SLC27A2: variants seen among roughly 807,000 people sequenced by gnomAD.
SLC27A2 encodes the protein long-chain fatty acid transport protein 2.
SLC27A2 carries 54 observed loss-of-function variants against 60.0 expected under a neutral mutation model. The observed-to-expected ratio is 0.90, with a 90% CI of 0.72 to 1.13. The LOEUF (loss-of-function observed/expected upper bound fraction) is 1.13, where lower values mean the gene tolerates loss of function less well. SLC27A2 is among the 50% of genes most tolerant of loss of function. The pLI is 0.00. For synonymous variants in SLC27A2, 297 were observed against 297.6 expected, an observed-to-expected ratio of 1.00 and a Z score of 0.02; for missense variants, 739 against 777.6, an observed-to-expected ratio of 0.95 and a Z score of 0.59.
chr15:50,229,108 G>A (rs1206464855), intron 8 of SLC27A2, 66 bp downstream of exon 8: 22 of 1,082,428 alleles, frequency 2.0e-5, no homozygotes, highest in African/African-American at 6.3e-5. Flanking sequence ...GCCTCAAGGC[G>A]AAGTTTGTCA....
intron 4 of SLC27A2, among the ~76,000 whole-genome samples, chr15:50,212,575 T>C (rs929232163): frequency 2.6e-5 from 4 of 152,184 alleles, no homozygotes; most frequent in Non-Finnish European, 5.9e-5. Context: ...GAAAACCTAT[T>C]AGATTAACAG....
Position 50,182,745 on chromosome 15 carries a change from C to A in SLC27A2, c.318C>A (p.Cys106Ter). 1.2e-6 allele frequency: 2 copies of A among 1,613,880 alleles called. No individual in the cohort carries two copies. Among genetic ancestry groups the A allele is most frequent in the Non-Finnish European group, 1.7e-6 (2 of 1,179,958 alleles). ...HDHLGLRQGD[C>*]VALLMGNEPA... ...ACCTCGGCCTGCGCCAGGGAGACTG[C>A]GTGGCGCTCCTTATGGGTAACGAGC... Residue 106 changes from cysteine to a stop codon, truncating the protein, a stop_gained, in exon 1 of 10, where the codon TGC (cysteine) becomes TGA (stop). Coordinates refer to ENST00000267842, the MANE Select transcript of SLC27A2 (RefSeq NM_003645.4). LOFTEE classifies it high-confidence loss of function.
Position 50,197,453 on chromosome 15 carries a change from T to C in SLC27A2, c.479-47T>C, listed in dbSNP as rs1447234015. The C allele has an allele frequency of 3.4e-6, 5 of 1,466,160 alleles. No individual in the cohort carries two copies. The Admixed American group carries it at 6.8e-5, about 20-fold the overall frequency. 90.8% of individuals were successfully genotyped at this position (1,466,160 alleles called of 1,614,324 possible). The stretch of plus-strand genomic sequence containing the variant: ...GCTTGTTGAAGCACTAATAGAACTT[T>C]AATAGACTGATTTAGTTTGTTTTGA... On this transcript the variant is annotated intron_variant, in intron 1 of 9. Transcript: ENST00000267842.
At chr15:50,233,339 A>T (rs1214897712) in intron 8 of SLC27A2, among the ~76,000 whole-genome samples, 1 of 152,204 alleles carries the variant, frequency 6.6e-6, no homozygotes, top group African/African-American at 2.4e-5. Flanking sequence ...TAAGTCATGC[A>T]TGGAGGTGGA....
intron 1 of SLC27A2, among the ~76,000 whole-genome samples, chr15:50,185,002 T>C (rs1366121544): frequency 1.3e-5 from 2 of 152,226 alleles, no homozygotes; most frequent in Admixed American, 1.3e-4. Context: ...ACCAGCTTGC[T>C]TGGAGGGAAA....
chr15:50,204,303 T>TA (rs1221039429), intron 3 of SLC27A2, among the ~76,000 whole-genome samples: 3 of 151,542 alleles, frequency 2.0e-5, no homozygotes, highest in African/African-American at 4.9e-5. Context: ...CATCCCTTCT[T>TA]AAAAAATACA....
intron 5 of SLC27A2, among the ~76,000 whole-genome samples, chr15:50,224,449 A>G (rs754101193): frequency 2.0e-5 from 3 of 152,196 alleles, no homozygotes; most frequent in Non-Finnish European, 4.4e-5. Context: ...CAAAAAAAAG[A>G]AAGGATTAAA....
intron 1 of SLC27A2, among the ~76,000 whole-genome samples, chr15:50,186,730 A>G (rs1343190035): frequency 6.6e-6 from 1 of 152,224 alleles, no homozygotes; most frequent in Admixed American, 6.5e-5. Flanking sequence ...AGCCACTGCT[A>G]CTGGCCTTCT....
At chr15:50,214,269 C>G (rs1277972662) in intron 4 of SLC27A2, among the ~76,000 whole-genome samples, 3 of 151,486 alleles carry the variant, frequency 2.0e-5, no homozygotes, top group Non-Finnish European at 3.0e-5. Context: ...CAGATTAAAT[C>G]AGAATTAGAT....
chr15:50,207,689 C>A (rs2140904786), intron 4 of SLC27A2, among the ~76,000 whole-genome samples: 1 of 151,128 alleles, frequency 6.6e-6, no homozygotes, highest in Admixed American at 6.6e-5. Flanking sequence ...ACTCAGGAGG[C>A]TGAAGCAGGA....
intron 1 of SLC27A2, 68 bp from the exon 2 acceptor site, chr15:50,197,432 G>A (rs1251723456): frequency 2.5e-6 from 3 of 1,199,172 alleles, no homozygotes; most frequent in Non-Finnish European, 3.6e-6. Context: ...TATGATGCTT[G>A]TTGAAGCACT....
chr15:50,202,316 C>A (rs1797317), intron 2 of SLC27A2, among the ~76,000 whole-genome samples, 171 bp from the exon 3 acceptor site: 86,468 of 152,120 alleles, frequency 0.57, 25,487 homozygotes, highest in East Asian at 0.8. Context: ...AACATTTACT[C>A]CCTGGTCCTT....
At chr15:50,231,496 T>A (rs1339873624) in intron 8 of SLC27A2, among the ~76,000 whole-genome samples, 2 of 152,172 alleles carry the variant, frequency 1.3e-5, no homozygotes, top group Admixed American at 6.5e-5. Context: ...TTTTATGTTA[T>A]GTGTTTATCA....
chr15:50,211,610 C>T (rs754158134), intron 4 of SLC27A2, among the ~76,000 whole-genome samples: 6 of 152,198 alleles, frequency 3.9e-5, no homozygotes, highest in South Asian at 2.1e-4. Context: ...TCACCAGCAA[C>T]GAATCCAAAC....
chr15:50,224,594 A>G (rs1322961877), intron 5 of SLC27A2, among the ~76,000 whole-genome samples: 1 of 152,202 alleles, frequency 6.6e-6, no homozygotes, highest in Non-Finnish European at 1.5e-5. Context: ...TCCCAAGTTC[A>G]AGGACCCTCT....
At chr15:50,214,716 CATGATAATCTCA>C (rs2045182521) in intron 4 of SLC27A2, among the ~76,000 whole-genome samples, 1 of 152,068 alleles carries the variant, frequency 6.6e-6, no homozygotes, top group Non-Finnish European at 1.5e-5. Context: ...TAAAAAATCA[CATGATAATCTCA>C]ATAGGTGCAG....
rs751269575 is a variant in SLC27A2, at chr15:50,235,954, G to A, written c.1721G>A (p.Arg574His). 14 of 1,613,186 alleles carry A rather than the reference G, an allele frequency of 8.7e-6. No individual in the cohort carries two copies. Among genetic ancestry groups the A allele is most frequent in the South Asian group, 4.4e-5 (4 of 90,944 alleles). Residue 574 changes from arginine to histidine, a missense_variant, in exon 10 of 10, where the codon CGC becomes CAC. Arg to His is a conservative substitution (Grantham distance 29). Transcript: ENST00000267842. ...TIEITGTFKH[R>H]KMTLVEEGFN... is the part of the protein sequence containing the mutation. ...GAGATCACTGGAACTTTTAAACACC[G>A]CAAAATGACCCTGGTGGAGGAGGGC...
intron 4 of SLC27A2, among the ~76,000 whole-genome samples, chr15:50,216,256 G>A (rs191536235): frequency 2.2e-4 from 34 of 152,056 alleles, no homozygotes; most frequent in African/African-American, 7.5e-4. Flanking sequence ...ACTACAATGC[G>A]ATACCACCTT....
At chr15:50,185,152 A>G (rs1394795681) in intron 1 of SLC27A2, among the ~76,000 whole-genome samples, 1 of 152,202 alleles carries the variant, frequency 6.6e-6, no homozygotes, top group Admixed American at 6.5e-5. Context: ...AATGACCATA[A>G]TACAGTTTGA....
Sources: allele counts gnomAD v4.1 joint callset (sites outside exome capture counted in the v4.1 genomes callset), GRCh38; gene constraint gnomAD v4.1.1; transcripts MANE v1.5; gene names NCBI Gene and HGNC (gene_info 2026-07-23, HGNC 2026-07-21).